The following CUEDC1 variants were observed in gnomAD, a reference collection of about 807,000 sequenced individuals.
CUEDC1 encodes the protein CUE domain containing 1.
Under a neutral mutation model 43.7 loss-of-function variants are expected in CUEDC1, and 30 were observed. The ratio of observed to expected loss-of-function variants is 0.69; its 90% CI spans 0.51 to 0.93. CUEDC1 has a LOEUF of 0.93. Ranked by LOEUF, CUEDC1 falls within the 40% of genes least tolerant of loss-of-function variation. The pLI is 0.00. For missense variants in CUEDC1, 486 were observed against 549.0 expected, an observed-to-expected ratio of 0.89 and a Z score of 1.15; for synonymous variants, 223 against 223.6, an observed-to-expected ratio of 1.00 and a Z score of 0.02.
intron 1 of CUEDC1, among the ~76,000 whole-genome samples, chr17:57,953,620 C>T (rs1263610043): frequency 6.6e-6 from 1 of 152,172 alleles, no homozygotes; most frequent in Non-Finnish European, 1.5e-5. Context: ...TGTCTCCCTA[C>T]ACACATGCAT....
chr17:57,908,328 A>G (rs2074549352), intron 1 of CUEDC1, among the ~76,000 whole-genome samples: 1 of 152,160 alleles, frequency 6.6e-6, no homozygotes, highest in Non-Finnish European at 1.5e-5. Flanking sequence ...AAGTACTGGG[A>G]TTACAGGTGT....
In CUEDC1 at chr17:57,872,659, C is replaced by T; in HGVS notation, c.784+4G>A. On this transcript the variant is annotated splice_donor_region_variant and intron_variant, in intron 5 of 10. Coordinates refer to ENST00000577830, the MANE Select transcript of CUEDC1 (RefSeq NM_001271875.2). The stretch of plus-strand genomic sequence containing the variant: ...AGGGAGAAGTGGCTGCAGGCGCTGC[C>T]CACCTCTCTCCAGAGCGAGGAGGAA... 6.2e-7 allele frequency: 1 copy of T among 1,613,646 alleles called. No individual in the cohort carries two copies. Among genetic ancestry groups the T allele is most frequent in the South Asian group, 1.1e-5 (1 of 91,064 alleles).
At chr17:57,926,337 T>A (rs567664697) in intron 1 of CUEDC1, among the ~76,000 whole-genome samples, 1 of 151,990 alleles carries the variant, frequency 6.6e-6, no homozygotes, top group East Asian at 1.9e-4. Flanking sequence ...GCCAAAAAGG[T>A]GGGCAGGAGG....
chr17:57,938,941 A>ACGAGC (rs1157573624), intron 1 of CUEDC1, among the ~76,000 whole-genome samples: 1 of 146,300 alleles, frequency 6.8e-6, no homozygotes, highest in Non-Finnish European at 1.5e-5. Context: ...GATTACAGGC[A>ACGAGC]CGAGCCACCG....
At chr17:57,941,155 G>A (rs73995410) in intron 1 of CUEDC1, among the ~76,000 whole-genome samples, 162 of 152,294 alleles carry the variant, frequency 1.1e-3, no homozygotes, top group African/African-American at 3.5e-3. Flanking sequence ...AACAGAAGCC[G>A]CAAAAGACAC....
intron 9 of CUEDC1, chr17:57,867,080 C>G: frequency 1.9e-6 from 1 of 533,934 alleles, no homozygotes. Context: ...CACCTCACAC[C>G]CAAAAGAATA....
intron 1 of CUEDC1, among the ~76,000 whole-genome samples, chr17:57,932,961 T>C (rs1168765836): frequency 2.0e-5 from 3 of 152,020 alleles, no homozygotes; most frequent in Non-Finnish European, 4.4e-5. Flanking sequence ...GTCCTGTATA[T>C]TGGAAGATGT....
chr17:57,885,410 T>G lies in CUEDC1; in HGVS notation c.155A>C (p.Asp52Ala), dbSNP rs1329377854. 1 of 1,607,500 alleles carries G rather than the reference T, an allele frequency of 6.2e-7. No individual in the cohort carries two copies. The highest frequency in any genetic ancestry group is 8.5e-7 in the Non-Finnish European group (1 of 1,178,034). The stretch of plus-strand genomic sequence containing the variant: ...GTTGGGGAACATGGTCTTGAAGTCG[T>G]CCATGGCCTGGTTGAACTCCAGGCG... ...VRRLEFNQAM[D>A]DFKTMFPNMD... Residue 52 changes from aspartate (D) to alanine (A), a missense_variant, in exon 2 of 11, where the codon GAC becomes GCC. Physicochemically the swap from Asp to Ala is moderately radical, Grantham distance 126. Coordinates refer to ENST00000577830, the MANE Select transcript of CUEDC1 (RefSeq NM_001271875.2).
At chr17:57,868,023 GA>G in intron 8 of CUEDC1, 126 bp downstream of exon 8, 1 of 746,018 alleles carries the variant, frequency 1.3e-6, no homozygotes, top group Non-Finnish European at 2.3e-6. Context: ...AGGGGAGGAG[GA>G]AGGGAAGGCC....
intron 1 of CUEDC1, among the ~76,000 whole-genome samples, chr17:57,917,112 C>T (rs553041798): frequency 3.9e-5 from 6 of 152,322 alleles, no homozygotes; most frequent in South Asian, 4.1e-4. Context: ...GAAGAATGGG[C>T]GGCAACAGGT....
At position 57,955,002 on chromosome 17, in the gene CUEDC1, G is replaced by C. The variant is rs2075043205; in HGVS notation, c.-316+223C>G. Among the ~76,000 whole-genome samples the C allele has an allele frequency of 6.6e-6, 1 of 151,566 alleles. No homozygotes were observed. The highest frequency in any genetic ancestry group is 2.4e-5 in the African/African-American group (1 of 41,380). ...CGGGATGAGGTGGGGGCTCGGGAAG[G>C]AAGGGCGGGCGGGGACCTGCCGCAC... On this transcript the variant is annotated intron_variant, in intron 1 of 10. Transcript: ENST00000577830. The surrounding 1 kb of genome is among the most constrained non-coding windows in gnomAD (Gnocchi z 5.3).
At chr17:57,897,988 G>C (rs2074431359) in intron 1 of CUEDC1, among the ~76,000 whole-genome samples, 1 of 152,198 alleles carries the variant, frequency 6.6e-6, no homozygotes, top group Admixed American at 6.5e-5. Flanking sequence ...ACTCCAGCCT[G>C]GGCGACAGTG....
chr17:57,865,050 CTG>C (rs1483736493), intron 10 of CUEDC1, among the ~76,000 whole-genome samples: 1 of 150,564 alleles, frequency 6.6e-6, no homozygotes, highest in Admixed American at 6.7e-5. Flanking sequence ...GAGCGAGACT[CTG>C]TCTCAAAATG....
rs1454012678 is a variant in CUEDC1 at position 57,866,532 on chromosome 17, CG to C, written c.1105del (p.Arg369GlyfsTer79). Reference sequence around the variant, plus strand: ...CTTGGGTGCCTCCTGACGCCTGCCCCGGAAGTCTTCATCTGAAAAGGAGAGG... The same window carrying C: ...CTTGGGTGCCTCCTGACGCCTGCCCCGAAGTCTTCATCTGAAAAGGAGAGG... The part of the protein sequence containing the change: ...VEGHACDEDF[R>X]GRRQEAPKVE... On this transcript the variant is annotated frameshift_variant, in exon 10 of 11. Coordinates refer to ENST00000577830, the MANE Select transcript of CUEDC1 (RefSeq NM_001271875.2). LOFTEE classifies it high-confidence loss of function. The C allele has an allele frequency of 8.1e-6, 13 of 1,614,126 alleles. No individual in the cohort carries two copies. The highest frequency in any genetic ancestry group is 1.7e-5 in the Admixed American group (1 of 60,028).
intron 1 of CUEDC1, among the ~76,000 whole-genome samples, chr17:57,939,950 C>T (rs952250031): frequency 6.6e-5 from 10 of 152,184 alleles, no homozygotes; most frequent in East Asian, 3.9e-4. Flanking sequence ...CACACACCCC[C>T]GGCACTTGGG....
Position 57,931,368 on chromosome 17 carries a change from G to C in CUEDC1, c.-316+23857C>G, listed in dbSNP as rs181715990. ...AAACCCCAGATCTCCCATTCATTCC[G>C]GGCAGTCGCTCATTCATTCAAAAAC... is the stretch of plus-strand genomic sequence containing the variant. On this transcript the variant is annotated intron_variant, in intron 1 of 10. Transcript: ENST00000577830. Among the ~76,000 whole-genome samples the C allele has an allele frequency of 5.9e-5, 9 of 152,258 alleles. No individual in the cohort carries two copies. In the South Asian group the frequency reaches 1.0e-3, roughly 18 times the overall value.
intron 1 of CUEDC1, among the ~76,000 whole-genome samples, chr17:57,901,641 C>A (rs1228369598): frequency 6.6e-6 from 1 of 152,238 alleles, no homozygotes; most frequent in Non-Finnish European, 1.5e-5. Flanking sequence ...CACAGGGAAG[C>A]AGCCACCTGG....
At chr17:57,935,035 G>A (rs2074846999) in intron 1 of CUEDC1, among the ~76,000 whole-genome samples, 2 of 152,130 alleles carry the variant, frequency 1.3e-5, no homozygotes, top group African/African-American at 2.4e-5. Context: ...CTTGGGTTAA[G>A]CTCACAGACA....
At chr17:57,942,048 C>A (rs553577036) in intron 1 of CUEDC1, among the ~76,000 whole-genome samples, 3 of 152,262 alleles carry the variant, frequency 2.0e-5, no homozygotes, top group African/African-American at 7.2e-5. Context: ...TCGGTGGCAG[C>A]CTTTACACTT....
Sources: allele counts gnomAD v4.1 joint callset (sites outside exome capture counted in the v4.1 genomes callset), GRCh38; gene constraint gnomAD v4.1.1; non-coding constraint Gnocchi (gnomAD v3.1); transcripts MANE v1.5; gene names NCBI Gene and HGNC (gene_info 2026-07-23, HGNC 2026-07-21).